Variants in CMTM7 observed in about 807,000 individuals in gnomAD.
The protein encoded by CMTM7 is CKLF like MARVEL transmembrane domain containing 7, also known as CKLF-like MARVEL transmembrane domain-containing protein 7.
A neutral mutation model predicts 19.3 loss-of-function variants in CMTM7; 7 were observed. The ratio of observed to expected loss-of-function variants is 0.36; its 90% confidence interval spans 0.21 to 0.68. The LOEUF (loss-of-function observed/expected upper bound fraction) is 0.68, where lower values mean the gene tolerates loss of function less well. Among genes scored for constraint, CMTM7 ranks in the 30% least tolerant of loss-of-function variants. The pLI, the probability that CMTM7 is intolerant of heterozygous loss-of-function variation, is 0.60. For missense variants in CMTM7, 193 were observed against 232.6 expected, an observed-to-expected ratio of 0.83 and a Z score of 1.11; for synonymous variants, 87 against 99.3, an observed-to-expected ratio of 0.88 and a Z score of 0.74.
intron 3 of CMTM7, among the ~76,000 whole-genome samples, chr3:32,450,717 A>C (rs1696816963): frequency 6.6e-6 from 1 of 152,152 alleles, no homozygotes; most frequent in African/African-American, 2.4e-5. Flanking sequence ...GCTACAGTGC[A>C]GGGTACTGGA....
At chr3:32,392,108 C>G (rs1695844295) in intron 1 of CMTM7, 43 bp downstream of exon 1, 1 of 1,223,824 alleles carries the variant, frequency 8.2e-7, no homozygotes, top group South Asian at 4.1e-5. Flanking sequence ...TACAGGGCGT[C>G]CCGGGAAAGC....
chr3:32,420,791 G>A (rs1483707195), intron 1 of CMTM7, among the ~76,000 whole-genome samples: 1 of 152,204 alleles, frequency 6.6e-6, no homozygotes. Context: ...GGGTCTGGGG[G>A]CAGGAGAGGG....
intron 1 of CMTM7, among the ~76,000 whole-genome samples, chr3:32,415,908 A>T (rs530751828): frequency 2.6e-4 from 39 of 152,334 alleles, no homozygotes; most frequent in Non-Finnish European, 5.0e-4. Context: ...GAGAGAGCCC[A>T]CTTGGTCTTT....
intron 1 of CMTM7, among the ~76,000 whole-genome samples, chr3:32,438,412 G>A (rs1428637591): frequency 6.6e-6 from 1 of 152,064 alleles, no homozygotes; most frequent in Non-Finnish European, 1.5e-5. Flanking sequence ...ATAATTCAGG[G>A]GGCCCCAGCA....
intron 1 of CMTM7, among the ~76,000 whole-genome samples, chr3:32,436,713 T>G (rs1457711928): frequency 6.6e-6 from 1 of 151,998 alleles, no homozygotes; most frequent in Non-Finnish European, 1.5e-5. Context: ...AAAGGAAAGG[T>G]GTCTGGTGCC....
intron 3 of CMTM7, chr3:32,451,897 A>G (rs932660710): frequency 1.8e-5 from 7 of 392,640 alleles, no homozygotes; most frequent in South Asian, 6.0e-5. Flanking sequence ...ACGTAAACCT[A>G]GATGTAAAGG....
intron 3 of CMTM7, chr3:32,451,310 C>T (rs1230268795): frequency 2.6e-5 from 4 of 152,280 alleles, no homozygotes; most frequent in Non-Finnish European, 5.9e-5. Context: ...TCACTGGACA[C>T]CAGTGGCGGT....
chr3:32,391,996 C>A lies in CMTM7; in HGVS notation c.90C>A (p.Ser30Arg), dbSNP rs562211318. The change falls in exon 1 of 5, where the codon AGC becomes AGA. Residue 30 changes from serine (S) to arginine (R), a missense_variant. Coordinates refer to ENST00000334983, the MANE Select transcript of CMTM7 (RefSeq NM_138410.4). ...CCGGCGCGGCCCAGCCCAGCGCGAG[C>A]CCCTTGGAGGGGCTGCTGGACCTCA... ...PGAGAAQPSA[S>R]PLEGLLDLSY... The A allele has an allele frequency of 2.7e-4, 335 of 1,233,962 alleles. No homozygotes were observed. Among genetic ancestry groups the A allele is most frequent in the Non-Finnish European group, 3.3e-4 (324 of 987,020 alleles). 76.4% of individuals were successfully genotyped at this position (1,233,962 alleles called of 1,614,324 possible). A position where few individuals can be genotyped will look rare whatever the true frequency, so the allele number is the denominator to read the frequency against.
intron 1 of CMTM7, among the ~76,000 whole-genome samples, chr3:32,408,459 G>A (rs1281101502): frequency 6.6e-6 from 1 of 152,166 alleles, no homozygotes; most frequent in African/African-American, 2.4e-5. Context: ...TCTCAGAATG[G>A]CAATGACATC....
chr3:32,453,636 A>G (rs564252486), intron 4 of CMTM7, among the ~76,000 whole-genome samples: 1 of 152,338 alleles, frequency 6.6e-6, no homozygotes, highest in South Asian at 2.1e-4. Context: ...AGGCAGATTC[A>G]TAGAGACACA....
chr3:32,428,578 C>T (rs973172631), intron 1 of CMTM7, among the ~76,000 whole-genome samples: 2 of 152,146 alleles, frequency 1.3e-5, no homozygotes, highest in African/African-American at 4.8e-5. Flanking sequence ...GGGGCTAAGC[C>T]GGCCTGGGCT....
chr3:32,412,431 G>A (rs1458060025), intron 1 of CMTM7, among the ~76,000 whole-genome samples: 2 of 150,898 alleles, frequency 1.3e-5, no homozygotes, highest in South Asian at 2.1e-4. Flanking sequence ...AGGTTGCAGC[G>A]AGCTGAGATC....
At position 32,440,070 on chromosome 3, in the gene CMTM7, T is replaced by TACACACACAC. The variant is rs10526471; in HGVS notation, c.160-1743_160-1734dup. 2.6e-3 allele frequency among the ~76,000 whole-genome samples: 397 copies of TACACACACAC among 150,162 alleles called. 3 individuals are homozygous for TACACACACAC. The highest frequency in any genetic ancestry group is 8.8e-3 in the African/African-American group (359 of 40,802). ...CACCCATACACTAACACCACACGCA[T>TACACACACAC]ACACACACACACACACACACACACA... On this transcript the variant is annotated intron_variant, in intron 1 of 4. Coordinates refer to ENST00000334983, the MANE Select transcript of CMTM7 (RefSeq NM_138410.4).
intron 2 of CMTM7, 45 bp downstream of exon 2, chr3:32,442,058 A>G: frequency 6.3e-7 from 1 of 1,575,168 alleles, no homozygotes; most frequent in Non-Finnish European, 8.7e-7. Flanking sequence ...ACAAGTCAGG[A>G]TGTTAGCTAG....
At chr3:32,420,041 CA>C (rs1241246422) in intron 1 of CMTM7, among the ~76,000 whole-genome samples, 3 of 152,154 alleles carry the variant, frequency 2.0e-5, no homozygotes, top group Admixed American at 2.0e-4. Context: ...TATTTGAGTC[CA>C]GTAGCTAGAT....
At chr3:32,424,225 T>C (rs1696391430) in intron 1 of CMTM7, among the ~76,000 whole-genome samples, 1 of 152,170 alleles carries the variant, frequency 6.6e-6, no homozygotes, top group Non-Finnish European at 1.5e-5. Context: ...CACCTACACA[T>C]GGCCTCTCCA....
intron 1 of CMTM7, among the ~76,000 whole-genome samples, chr3:32,411,303 ACT>A (rs1356498882): frequency 6.6e-6 from 1 of 151,938 alleles, no homozygotes; most frequent in African/African-American, 2.4e-5. Context: ...TATTGAAAGA[ACT>A]CTTTTAGATT....
chr3:32,393,414 T>A (rs1695869272), intron 1 of CMTM7, among the ~76,000 whole-genome samples: 1 of 152,176 alleles, frequency 6.6e-6, no homozygotes, highest in Non-Finnish European at 1.5e-5. Flanking sequence ...CTCACCATCC[T>A]TAAAAGATGG....
At chr3:32,447,722 T>G (rs1696772676) in intron 2 of CMTM7, among the ~76,000 whole-genome samples, 1 of 152,208 alleles carries the variant, frequency 6.6e-6, no homozygotes, top group Non-Finnish European at 1.5e-5. Context: ...TTCGATTCTA[T>G]TTTGTCTGAT....
Sources: gnomAD v4.1 joint callset for allele counts (sites outside exome capture counted in the v4.1 genomes callset) on GRCh38, gnomAD v4.1.1 for gene constraint, MANE v1.5 for transcripts, NCBI Gene and HGNC (gene_info 2026-07-23, HGNC 2026-07-21) for gene names.